The following ZNF536 variants were observed in gnomAD, a reference collection of about 807,000 sequenced individuals.
ZNF536 encodes zinc finger protein 536.
Under a neutral mutation model 84.5 loss-of-function variants are expected in ZNF536, and 13 were observed. The ratio of observed to expected loss-of-function variants is 0.15; its 90% CI spans 0.10 to 0.24. The LOEUF (loss-of-function observed/expected upper bound fraction) is 0.24, where lower values mean the gene tolerates loss of function less well. Ranked by LOEUF, ZNF536 falls within the 10% of genes least tolerant of loss-of-function variation. The probability of loss-of-function intolerance (pLI) is 1.00; values close to 1 mark genes in which losing one functional copy is unlikely to be tolerated. For synonymous variants in ZNF536, 811 were observed against 742.5 expected, an observed-to-expected ratio of 1.09 and a Z score of -1.50; for missense variants, 1,536 against 1,747.5, an observed-to-expected ratio of 0.88 and a Z score of 2.16.
chr19:30,609,761 TCCACCCATCTAC>T (rs1445651513), intron 1 of ZNF536, among the ~76,000 whole-genome samples: 1 of 133,230 alleles, frequency 7.5e-6, no homozygotes, highest in Non-Finnish European at 1.6e-5. Context: ...CACCTATCCA[TCCACCCATCTAC>T]CCATCCATCC....
intron 1 of ZNF536, among the ~76,000 whole-genome samples, chr19:30,692,641 C>T (rs908860951): frequency 6.6e-6 from 1 of 152,214 alleles, no homozygotes; most frequent in Non-Finnish European, 1.5e-5. Context: ...TCTTTTCTCG[C>T]GACTTGTGCT....
chr19:30,479,821 C>A (rs1208898441), intron 2 of ZNF536, among the ~76,000 whole-genome samples: 1 of 152,258 alleles, frequency 6.6e-6, no homozygotes, highest in South Asian at 2.1e-4. Flanking sequence ...TAACCAGCCA[C>A]TGATCCACTT....
chr19:30,495,253 G>A (rs967091733), intron 2 of ZNF536, among the ~76,000 whole-genome samples: 3 of 152,178 alleles, frequency 2.0e-5, no homozygotes, highest in South Asian at 4.1e-4. Context: ...GCTGAGCTGC[G>A]TGAGACCCTG....
chr19:30,370,421 A>C (rs142521266), upstream of ZNF536, among the ~76,000 whole-genome samples: 535 of 152,326 alleles, frequency 3.5e-3, 1 homozygote, highest in African/African-American at 0.012. Context: ...ATGCGCCATA[A>C]ACATTTTGAA....
chr19:30,625,969 T>G (rs1298912172), intron 1 of ZNF536, among the ~76,000 whole-genome samples: 1 of 152,200 alleles, frequency 6.6e-6, no homozygotes, highest in Non-Finnish European at 1.5e-5. Flanking sequence ...TTTAAAATGA[T>G]TTTTTTCCAC....
At chr19:30,702,387 G>T (rs145003165) in intron 1 of ZNF536, among the ~76,000 whole-genome samples, 2 of 152,066 alleles carry the variant, frequency 1.3e-5, no homozygotes, top group Admixed American at 6.5e-5. Context: ...CTTACTTTTC[G>T]CATGGCAGTG....
At chr19:30,322,094 A>G (rs542046647) in intron 2 of ZNF536, among the ~76,000 whole-genome samples, 59 of 152,228 alleles carry the variant, frequency 3.9e-4, no homozygotes, top group African/African-American at 1.4e-3. Context: ...TTGTTCATCC[A>G]CATTTTTCCA....
intron 1 of ZNF536, among the ~76,000 whole-genome samples, chr19:30,571,455 A>G (rs894719795): frequency 6.6e-6 from 1 of 152,244 alleles, no homozygotes; most frequent in Non-Finnish European, 1.5e-5. Context: ...AGTGAGGATC[A>G]TGAGCAATCA....
intron 2 of ZNF536, among the ~76,000 whole-genome samples, chr19:30,493,693 A>T (rs1264466044): frequency 6.6e-6 from 1 of 151,814 alleles, no homozygotes; most frequent in Admixed American, 6.6e-5. Flanking sequence ...TTGGTCACAG[A>T]AGTCTTGAGT....
At chr19:30,430,602 A>T (rs1283094818) in intron 1 of ZNF536, among the ~76,000 whole-genome samples, 1 of 152,246 alleles carries the variant, frequency 6.6e-6, no homozygotes, top group Admixed American at 6.5e-5. Context: ...TACTAGGCAC[A>T]GGGGCAAGGA....
intron 1 of ZNF536, among the ~76,000 whole-genome samples, chr19:30,631,402 T>C (rs2147242110): frequency 6.6e-6 from 1 of 152,276 alleles, no homozygotes; most frequent in Non-Finnish European, 1.5e-5. Context: ...GCTGGCCCAG[T>C]CTCCAGACCC....
chr19:30,415,284 C>CCTCCTTCTTCTT (rs1555750650), intron 1 of ZNF536, among the ~76,000 whole-genome samples: 15 of 120,188 alleles, frequency 1.2e-4, no homozygotes, highest in Non-Finnish European at 2.0e-4. Context: ...TCCTCCTCCT[C>CCTCCTTCTTCTT]CTTCTTCTTC....
chr19:30,662,564 A>ATT, intron 1 of ZNF536, among the ~76,000 whole-genome samples: 1 of 148,818 alleles, frequency 6.7e-6, no homozygotes, highest in East Asian at 2.0e-4. Flanking sequence ...TTGTTTTTTG[A>ATT]TTTTTTTTTT....
intron 2 of ZNF536, among the ~76,000 whole-genome samples, chr19:30,475,184 G>A (rs1205529204): frequency 2.6e-5 from 4 of 152,110 alleles, no homozygotes; most frequent in Admixed American, 1.3e-4. Flanking sequence ...AGGTTCAAGC[G>A]ATTCTCCTGC....
In ZNF536 at chr19:30,444,585, G is replaced by A. The variant is rs771654842; in HGVS notation, c.1023G>A (p.Ser341=). Reference sequence around the variant, plus strand: ...GCCCCAACGGCGGTGGCGAGCAGTCGGCCAACGAGTTCCGCTGCGAGGTGT... The same window carrying A: ...GCCCCAACGGCGGTGGCGAGCAGTCAGCCAACGAGTTCCGCTGCGAGGTGT... ...GQGPNGGGEQ[S]ANEFRCEVCG... Residue 341 remains serine (S), a synonymous_variant, in exon 2 of 5, where the codon TCG becomes TCA. Transcript: ENST00000355537. The A allele has an allele frequency of 9.9e-6, 16 of 1,613,630 alleles. No homozygotes were observed. The highest frequency in any genetic ancestry group is 1.4e-5 in the Non-Finnish European group (16 of 1,180,036).
intron 1 of ZNF536, among the ~76,000 whole-genome samples, chr19:30,416,833 T>C (rs2050752833): frequency 6.6e-6 from 1 of 152,246 alleles, no homozygotes; most frequent in South Asian, 2.1e-4. Context: ...CACTTGGCTT[T>C]GAGGATGATG....
intron 3 of ZNF536, among the ~76,000 whole-genome samples, chr19:30,363,359 T>TC (rs1304276640): frequency 6.6e-6 from 1 of 152,144 alleles, no homozygotes; most frequent in Non-Finnish European, 1.5e-5. Flanking sequence ...AGGCAGCCTA[T>TC]CACCAGGGCT....
intron 1 of ZNF536, among the ~76,000 whole-genome samples, chr19:30,682,520 C>T (rs555483637): frequency 1.3e-5 from 2 of 152,186 alleles, no homozygotes. Context: ...AATTCAGATA[C>T]GACACCCCTT....
At chr19:30,403,098 C>T (rs995079278) in intron 1 of ZNF536, among the ~76,000 whole-genome samples, 3 of 151,982 alleles carry the variant, frequency 2.0e-5, no homozygotes, top group African/African-American at 4.8e-5. Context: ...AGGAGAACAC[C>T]GCTGCTGACG....
Sources: allele counts gnomAD v4.1 joint callset (sites outside exome capture counted in the v4.1 genomes callset), GRCh38; gene constraint gnomAD v4.1.1; transcripts MANE v1.5; gene names NCBI Gene and HGNC (gene_info 2026-07-23, HGNC 2026-07-21).